Variants in SPINT2 observed in about 807,000 individuals in gnomAD.
The protein encoded by SPINT2 is kunitz-type protease inhibitor 2.
SPINT2 carries 18 observed loss-of-function variants against 30.1 expected under a neutral mutation model. The observed-to-expected ratio is 0.60, with a 90% CI of 0.41 to 0.89. The LOEUF is 0.89. Ranked by LOEUF, SPINT2 falls within the 40% of genes least tolerant of loss-of-function variation. The pLI, the probability that SPINT2 is intolerant of heterozygous loss-of-function variation, is 0.00. For missense variants in SPINT2, 276 were observed against 334.3 expected (o/e 0.83, Z 1.36); for synonymous variants, 139 against 137.9 (o/e 1.01, Z -0.05).
intron 1 of SPINT2, among the ~76,000 whole-genome samples, chr19:38,280,444 C>CT (rs1968567761): frequency 6.6e-6 from 1 of 152,152 alleles, no homozygotes; most frequent in Non-Finnish European, 1.5e-5. Context: ...CAGTGATGTT[C>CT]TCACTGTAAA....
chr19:38,270,171 C>T (rs930783697), intron 1 of SPINT2, among the ~76,000 whole-genome samples: 2 of 152,196 alleles, frequency 1.3e-5, no homozygotes, highest in African/African-American at 2.4e-5. Context: ...TTCCTCCTCA[C>T]CCCCATGGAT....
At chr19:38,288,796 C>T (rs935231120) in intron 3 of SPINT2, 10 of 317,478 alleles carry the variant, frequency 3.1e-5, no homozygotes, top group Admixed American at 1.6e-4. Context: ...CCCCCCCACA[C>T]ACCAGCTCTG....
chr19:38,274,231 A>G (rs954623288), intron 1 of SPINT2, among the ~76,000 whole-genome samples: 1 of 152,018 alleles, frequency 6.6e-6, no homozygotes, highest in Non-Finnish European at 1.5e-5. Context: ...GTCTCAAAAA[A>G]AAAAAGAAAG....
chr19:38,286,392 C>T (rs377124125), intron 2 of SPINT2, among the ~76,000 whole-genome samples: 1 of 152,176 alleles, frequency 6.6e-6, no homozygotes, highest in Non-Finnish European at 1.5e-5. Flanking sequence ...GCAAGGTGAC[C>T]GTTTAATAGC....
rs986839873 is a variant in SPINT2 at position 38,279,342 on chromosome 19, T to C, written c.107-4285T>C. Among the ~76,000 whole-genome samples, 3 of 151,494 alleles carry C rather than the reference T, an allele frequency of 2.0e-5. 1 individual carries two copies. Among genetic ancestry groups the C allele is most frequent in the Admixed American group, 6.6e-5 (1 of 15,192 alleles). On this transcript the variant is annotated intron_variant, in intron 1 of 6. Transcript: ENST00000301244. ...TGAGAAACCGCGTCTCTCCTAAAAA[T>C]ACGAAATTAGCTGGTGTGATGGCGC...
chr19:38,283,518 T>C (rs1180898642), intron 1 of SPINT2, 109 bp from the exon 2 acceptor site: 10 of 1,407,540 alleles, frequency 7.1e-6, no homozygotes, highest in Non-Finnish European at 1.0e-5. Flanking sequence ...GGGGAACTGC[T>C]GGAACTCAAG....
chr19:38,273,960 G>A (rs1191204463), intron 1 of SPINT2, among the ~76,000 whole-genome samples: 1 of 152,194 alleles, frequency 6.6e-6, no homozygotes, highest in Non-Finnish European at 1.5e-5. Flanking sequence ...GCCAGGTGCG[G>A]TGGCTCACGC....
intron 3 of SPINT2, 46 bp from the exon 4 acceptor site, chr19:38,289,085 GCCTGTGT>G (rs1375362367): frequency 1.3e-6 from 2 of 1,562,074 alleles, no homozygotes; most frequent in Non-Finnish European, 1.8e-6. Flanking sequence ...ACCCAGCTAG[GCCTGTGT>G]CCTGTGTCCG....
intron 6 of SPINT2, chr19:38,291,431 C>T (rs1375785417): frequency 9.1e-5 from 16 of 175,544 alleles, no homozygotes; most frequent in Non-Finnish European, 1.6e-4. Context: ...TCTCTATTGC[C>T]GGTCAGCGTG....
chr19:38,289,068 G>T, intron 3 of SPINT2, 70 bp from the exon 4 acceptor site: 1 of 1,479,900 alleles, frequency 6.8e-7, no homozygotes, highest in South Asian at 1.1e-5. Flanking sequence ...GGCCCTTCCA[G>T]ACCCAGACCC....
rs1968711145 is a variant in SPINT2, at chr19:38,290,986, AGGCCTCT to A, written c.592+417_592+423del. Reference sequence around the variant, plus strand: ...CACAGTCTGGTCTGAGCGGGAGGCCAGGCCTCTGGCCTGTGTTTCTGAGCTTGAGTTG... The same window carrying A: ...CACAGTCTGGTCTGAGCGGGAGGCCAGGCCTGTGTTTCTGAGCTTGAGTTG... On this transcript the variant is annotated intron_variant, in intron 6 of 6. Coordinates refer to ENST00000301244, the MANE Select transcript of SPINT2 (RefSeq NM_021102.4). This position sits in a 1 kb window ranked among gnomAD's most constrained non-coding sequence, Gnocchi z 4.3. 3.3e-6 allele frequency: 1 copy of A among 302,928 alleles called. No individual in the cohort carries two copies. The highest frequency in any genetic ancestry group is 6.4e-6 in the Non-Finnish European group (1 of 155,936). 18.8% of individuals were successfully genotyped at this position (302,928 alleles called of 1,614,324 possible).
At chr19:38,275,150 G>A (rs1968501368) in intron 1 of SPINT2, among the ~76,000 whole-genome samples, 2 of 152,210 alleles carry the variant, frequency 1.3e-5, no homozygotes, top group African/African-American at 4.8e-5. Context: ...GTTATATGGT[G>A]AGAAGACCAC....
At position 38,290,063 on chromosome 19, in the gene SPINT2, CT is replaced by C; in HGVS notation, c.392-54del. The stretch of plus-strand genomic sequence containing the variant: ...GCCTCCTCAGGCACTTTCTGGCTTG[CT>C]TCCCCTCCTTGCGGGCCCTACTAAT... On this transcript the variant is annotated intron_variant, in intron 4 of 6. Coordinates refer to ENST00000301244, the MANE Select transcript of SPINT2 (RefSeq NM_021102.4). The surrounding 1 kb of genome is among the most constrained non-coding windows in gnomAD (Gnocchi z 4.3). 6.2e-7 allele frequency: 1 copy of C among 1,604,110 alleles called. No homozygotes were observed. The highest frequency in any genetic ancestry group is 8.5e-7 in the Non-Finnish European group (1 of 1,173,252).
intron 1 of SPINT2, among the ~76,000 whole-genome samples, chr19:38,267,502 AG>A (rs1190994115): frequency 2.6e-5 from 4 of 152,132 alleles, no homozygotes; most frequent in African/African-American, 7.2e-5. Flanking sequence ...GGTAGATGGT[AG>A]GGCCAGCAGA....
intron 1 of SPINT2, among the ~76,000 whole-genome samples, chr19:38,275,437 G>A (rs552880853): frequency 1.2e-3 from 175 of 152,114 alleles, no homozygotes; most frequent in African/African-American, 4.1e-3. Context: ...TGATTGTCCC[G>A]CCTCAGCCTC....
intron 1 of SPINT2, among the ~76,000 whole-genome samples, chr19:38,269,190 C>T (rs943544694): frequency 4.0e-5 from 6 of 151,798 alleles, no homozygotes; most frequent in South Asian, 4.2e-4. Context: ...CTCCACCTCC[C>T]GGGTTCACAT....
intron 1 of SPINT2, among the ~76,000 whole-genome samples, chr19:38,266,856 A>T (rs1264796461): frequency 1.3e-5 from 2 of 152,204 alleles, no homozygotes; most frequent in Non-Finnish European, 2.9e-5. Flanking sequence ...AATTCGAACC[A>T]GAATTTGGCA....
Position 38,292,235 on chromosome 19 carries a change from C to A in SPINT2, c.*229C>A. ...TGGCAGCAGCCCCGAGTTGTTTCCT[C>A]GCTGATCGATTTCTTTCCTCCAGGT... is the stretch of plus-strand genomic sequence containing the variant. On this transcript the variant is annotated 3_prime_UTR_variant, in exon 7 of 7. Transcript: ENST00000301244. 1 of 532,246 alleles carries A rather than the reference C, an allele frequency of 1.9e-6. No individual in the cohort carries two copies. Among genetic ancestry groups the A allele is most frequent in the Non-Finnish European group, 3.3e-6 (1 of 298,734 alleles). The allele number at this position is 532,246 out of a possible 1,614,324, so 33.0% of individuals were successfully genotyped here. A position where few individuals can be genotyped will look rare whatever the true frequency, so the allele number is the denominator to read the frequency against.
At chr19:38,289,513 A>AAAAT (rs1968688044) in intron 4 of SPINT2, 2 of 226,010 alleles carry the variant, frequency 8.8e-6, no homozygotes, top group African/African-American at 2.4e-5. Flanking sequence ...AAAAAAAAAA[A>AAAAT]CTCCGAAGAA....
Sources: gnomAD v4.1 joint callset for allele counts (sites outside exome capture counted in the v4.1 genomes callset) on GRCh38, gnomAD v4.1.1 for gene constraint, Gnocchi (gnomAD v3.1) non-coding constraint, MANE v1.5 for transcripts, NCBI Gene and HGNC (gene_info 2026-07-23, HGNC 2026-07-21) for gene names.